The following SLC5A4 variants were observed in gnomAD, a reference collection of about 807,000 sequenced individuals.
The protein encoded by SLC5A4 is probable glucose sensor protein SLC5A4.
Under a neutral mutation model 70.3 loss-of-function variants are expected in SLC5A4, and 55 were observed. The ratio of observed to expected loss-of-function variants is 0.78; its 90% CI spans 0.63 to 0.98. SLC5A4 has a LOEUF of 0.98. Ranked by LOEUF, SLC5A4 falls within the 50% of genes least tolerant of loss-of-function variation. The pLI, the probability that SLC5A4 is intolerant of heterozygous loss-of-function variation, is 0.00. For missense variants in SLC5A4, 735 were observed against 839.2 expected (o/e 0.88, Z 1.53); for synonymous variants, 268 against 305.7 (o/e 0.88, Z 1.29).
chr22:32,272,300 G>C, the SLC5A4 span: 2 of 816,368 alleles, frequency 2.4e-6, no homozygotes, highest in Non-Finnish European at 4.3e-6. Context: ...ACGAGAAGGA[G>C]CAGAAGGGGC....
chr22:32,234,404 G>A (rs1925940303), intron 8 of SLC5A4, among the ~76,000 whole-genome samples: 1 of 152,068 alleles, frequency 6.6e-6, no homozygotes, highest in Non-Finnish European at 1.5e-5. Flanking sequence ...TTGTAGAAGT[G>A]TTTGACTCTT....
At chr22:32,330,938 T>TTGGGGGCTCTGGTGTGTGTGTGTTGGGG in the SLC5A4 span, among the ~76,000 whole-genome samples, 1 of 28,982 alleles carries the variant, frequency 3.5e-5, no homozygotes, top group African/African-American at 1.3e-4. Flanking sequence ...GGTGTGTATG[T>TTGGGGGCTCTGGTGTGTGTGTGTTGGGG]GTTGGAGGCT....
chr22:32,311,250 G>C, the SLC5A4 span, among the ~76,000 whole-genome samples: 1 of 152,202 alleles, frequency 6.6e-6, no homozygotes, highest in African/African-American at 2.4e-5. Context: ...AGTGAGCAGG[G>C]ACCTGCCTTG....
chr22:32,267,638 C>A, the SLC5A4 span, among the ~76,000 whole-genome samples: 1 of 151,882 alleles, frequency 6.6e-6, no homozygotes, highest in Non-Finnish European at 1.5e-5. Context: ...GCCACTGCAC[C>A]CAGCCAACCT....
the SLC5A4 span, among the ~76,000 whole-genome samples, chr22:32,325,103 C>A: frequency 6.6e-6 from 1 of 152,230 alleles, no homozygotes; most frequent in Non-Finnish European, 1.5e-5. Flanking sequence ...GTCCCGTAGA[C>A]CCCGAGGCCC....
the SLC5A4 span, among the ~76,000 whole-genome samples, chr22:32,338,728 C>T: frequency 6.6e-6 from 1 of 152,170 alleles, no homozygotes; most frequent in Non-Finnish European, 1.5e-5. Context: ...GCCCCGAATC[C>T]AGTGCCCTCA....
At chr22:32,232,763 C>T in intron 9 of SLC5A4, 136 bp downstream of exon 9, 2 of 1,086,264 alleles carry the variant, frequency 1.8e-6, no homozygotes, top group East Asian at 2.5e-5. Context: ...GACCACTGTG[C>T]AGGCTGCTCC....
chr22:32,251,525 C>G (rs1345044589), intron 3 of SLC5A4, among the ~76,000 whole-genome samples: 2 of 152,026 alleles, frequency 1.3e-5, no homozygotes, highest in African/African-American at 4.8e-5. Flanking sequence ...CTCTCTCTCT[C>G]TCTCTCTCTC....
chr22:32,283,452 T>C, the SLC5A4 span, among the ~76,000 whole-genome samples: 4 of 152,240 alleles, frequency 2.6e-5, no homozygotes, highest in African/African-American at 9.6e-5. Flanking sequence ...ACCATTAACA[T>C]TTTCTCCATC....
At chr22:32,267,042 C>T in the SLC5A4 span, among the ~76,000 whole-genome samples, 10 of 152,256 alleles carry the variant, frequency 6.6e-5, no homozygotes, top group East Asian at 1.9e-3. Flanking sequence ...AAATTAGCTC[C>T]ATTCATAACA....
chr22:32,339,604 AG>A, the SLC5A4 span, among the ~76,000 whole-genome samples: 1 of 152,160 alleles, frequency 6.6e-6, no homozygotes, highest in Non-Finnish European at 1.5e-5. Context: ...AGTGGTTTGC[AG>A]AGGGAGGTGG....
chr22:32,340,141 GCCT>G, the SLC5A4 span, among the ~76,000 whole-genome samples: 116,226 of 151,832 alleles, frequency 0.77, 45,403 homozygotes, highest in African/African-American at 0.94. Flanking sequence ...CTCTCTCCGA[GCCT>G]CCTCGGTGTC....
At chr22:32,295,257 T>G in the SLC5A4 span, among the ~76,000 whole-genome samples, 12 of 104,242 alleles carry the variant, frequency 1.2e-4, 3 homozygotes, top group Admixed American at 2.1e-4. Context: ...TCCACATTGG[T>G]TGAACTAGTT....
chr22:32,275,677 T>C, the SLC5A4 span, among the ~76,000 whole-genome samples: 1 of 152,262 alleles, frequency 6.6e-6, no homozygotes, highest in Admixed American at 6.5e-5. Context: ...GCAATAAACA[T>C]ACATGTGCAT....
At chr22:32,294,885 A>T in the SLC5A4 span, among the ~76,000 whole-genome samples, 1 of 96,326 alleles carries the variant, frequency 1.0e-5, no homozygotes, top group African/African-American at 3.9e-5. Context: ...TCATTGTTCA[A>T]TTCCCACCTA....
chr22:32,324,267 GTA>G, the SLC5A4 span, among the ~76,000 whole-genome samples: 23 of 121,446 alleles, frequency 1.9e-4, no homozygotes, highest in East Asian at 6.4e-4. Flanking sequence ...ACACATATAT[GTA>G]TATATATATA....
intron 2 of SLC5A4, 47 bp from the exon 3 acceptor site, chr22:32,251,921 T>C (rs371223945): frequency 7.2e-7 from 1 of 1,386,112 alleles, no homozygotes; most frequent in Non-Finnish European, 1.0e-6. Context: ...AAGATCCAAA[T>C]CAGACTTCTT....
At chr22:32,305,414 T>TCCTGGCACAC in the SLC5A4 span, among the ~76,000 whole-genome samples, 3 of 148,412 alleles carry the variant, frequency 2.0e-5, no homozygotes, top group African/African-American at 7.5e-5. Flanking sequence ...AAGATATATT[T>TCCTGGCACAC]AACAAATTGT....
chr22:32,350,834 GA>G, the SLC5A4 span, among the ~76,000 whole-genome samples: 6 of 150,110 alleles, frequency 4.0e-5, no homozygotes, highest in African/African-American at 1.2e-4. Flanking sequence ...TTGTTGGCTT[GA>G]AAAAAATGAT....
Sources: allele counts gnomAD v4.1 joint callset (sites outside exome capture counted in the v4.1 genomes callset), GRCh38; gene constraint gnomAD v4.1.1; transcripts MANE v1.5; gene names NCBI Gene and HGNC (gene_info 2026-07-23, HGNC 2026-07-21).